The following DGLUCY variants were observed in gnomAD, a reference collection of about 807,000 sequenced individuals.
DGLUCY encodes the protein D-glutamate cyclase, also known as D-glutamate cyclase, mitochondrial.
In DGLUCY, 58 loss-of-function variants were observed where a neutral mutation model predicts 58.5. That is an observed-to-expected ratio of 0.99 (90% CI 0.80 to 1.23). DGLUCY has a LOEUF of 1.23. Among genes scored for constraint, DGLUCY ranks in the 50% most tolerant of loss-of-function variants. The pLI, the probability that DGLUCY is intolerant of heterozygous loss-of-function variation, is 0.00. For synonymous variants in DGLUCY, 325 were observed against 314.1 expected, an observed-to-expected ratio of 1.03 and a Z score of -0.37; for missense variants, 779 against 784.7, an observed-to-expected ratio of 0.99 and a Z score of 0.09.
intron 12 of DGLUCY, among the ~76,000 whole-genome samples, chr14:91,213,922 A>G (rs569382236): frequency 6.6e-6 from 1 of 151,850 alleles, no homozygotes; most frequent in Non-Finnish European, 1.5e-5. Flanking sequence ...CTGGTCTCGA[A>G]CTCCTAACCT....
chr14:91,225,061 ACT>A lies in DGLUCY; in HGVS notation c.*231_*232del. 1 of 414,958 alleles carries A rather than the reference ACT, an allele frequency of 2.4e-6. No individual in the cohort carries two copies. The highest frequency in any genetic ancestry group is 4.4e-5 in the Admixed American group (1 of 22,812). 25.7% of individuals were successfully genotyped at this position (414,958 alleles called of 1,614,324 possible). On this transcript the variant is annotated 3_prime_UTR_variant, in exon 14 of 14. Transcript: ENST00000256324. ...GGGCTTTTTAACTTTTATTCCTAAG[ACT>A]CTAAAGGCGTTGATTTCAACCCTCC... is the stretch of plus-strand genomic sequence containing the variant.
chr14:91,173,515 C>T, intron 6 of DGLUCY, 76 bp downstream of exon 6: 1 of 1,468,438 alleles, frequency 6.8e-7, no homozygotes, highest in South Asian at 1.4e-5. Flanking sequence ...CGCTCCTGCC[C>T]ATGATCCCCC....
At chr14:91,157,918 T>C (rs1237785861) in intron 2 of DGLUCY, among the ~76,000 whole-genome samples, 2 of 152,238 alleles carry the variant, frequency 1.3e-5, no homozygotes, top group African/African-American at 4.8e-5. Flanking sequence ...GGCTAAAATG[T>C]ATTTGCAAAA....
chr14:91,117,660 CAT>C (rs143746732), intron 1 of DGLUCY, among the ~76,000 whole-genome samples: 40,858 of 93,958 alleles, frequency 0.43, 6,732 homozygotes, highest in South Asian at 0.51. Flanking sequence ...CACACACACA[CAT>C]ACACACACAC....
At chr14:91,136,923 T>C (rs936215160) in intron 1 of DGLUCY, among the ~76,000 whole-genome samples, 4 of 151,918 alleles carry the variant, frequency 2.6e-5, no homozygotes, top group African/African-American at 9.7e-5. Context: ...GAGCCGATAT[T>C]GTGCCATTAC....
At chr14:91,083,933 A>G (rs535316134) in intron 1 of DGLUCY, among the ~76,000 whole-genome samples, 3 of 152,226 alleles carry the variant, frequency 2.0e-5, no homozygotes, top group South Asian at 2.1e-4. Flanking sequence ...GCTTCATAGC[A>G]TAGACCACTA....
At chr14:91,204,885 G>A (rs1224306640) in intron 12 of DGLUCY, 60 bp downstream of exon 12, 1 of 1,607,878 alleles carries the variant, frequency 6.2e-7, no homozygotes, top group Non-Finnish European at 8.5e-7. Context: ...ACCTGGCTTG[G>A]AGCCTGACCA....
At chr14:91,192,889 C>T (rs911341039) in intron 9 of DGLUCY, among the ~76,000 whole-genome samples, 8 of 152,160 alleles carry the variant, frequency 5.3e-5, no homozygotes, top group Non-Finnish European at 1.0e-4. Context: ...AGGTTTGACC[C>T]TGTTAGGTAT....
intron 1 of DGLUCY, among the ~76,000 whole-genome samples, chr14:91,068,446 A>G (rs2043863977): frequency 6.6e-6 from 1 of 152,200 alleles, no homozygotes; most frequent in Non-Finnish European, 1.5e-5. Context: ...AGGAGGGTGG[A>G]TCACCTGAGG....
chr14:91,204,656 C>G (rs1157896208), intron 11 of DGLUCY, 50 bp from the exon 12 acceptor site: 1 of 1,596,732 alleles, frequency 6.3e-7, no homozygotes, highest in East Asian at 2.3e-5. Flanking sequence ...TTCAGGCCTC[C>G]CCCATTTTGC....
upstream of DGLUCY, among the ~76,000 whole-genome samples, chr14:91,112,747 C>T (rs1012787508): frequency 1.3e-5 from 2 of 151,726 alleles, no homozygotes; most frequent in Admixed American, 6.6e-5. Context: ...AGGCTGGGAG[C>T]GGTGGCTGAC....
intron 13 of DGLUCY, among the ~76,000 whole-genome samples, chr14:91,217,990 G>A (rs1886846336): frequency 1.3e-5 from 2 of 152,178 alleles, no homozygotes; most frequent in Admixed American, 1.3e-4. Flanking sequence ...TGGCTTGCCT[G>A]AGACCACCCA....
At chr14:91,157,181 G>A (rs1231904795) in intron 1 of DGLUCY, among the ~76,000 whole-genome samples, 3 of 139,366 alleles carry the variant, frequency 2.2e-5, no homozygotes, top group East Asian at 3.9e-4. Context: ...ATAGATGGAT[G>A]GATGGGTGGA....
chr14:91,176,646 C>T (rs2048871321), intron 7 of DGLUCY, among the ~76,000 whole-genome samples: 3 of 152,254 alleles, frequency 2.0e-5, no homozygotes, highest in African/African-American at 7.2e-5. Context: ...GTCGCCCAGG[C>T]TGGAGTGCAG....
intron 1 of DGLUCY, among the ~76,000 whole-genome samples, chr14:91,073,045 T>C (rs964539045): frequency 6.6e-6 from 1 of 151,742 alleles, no homozygotes; most frequent in East Asian, 1.9e-4. Flanking sequence ...TCTTGAGTAG[T>C]GTGGAATAGA....
At chr14:91,124,788 G>C (rs1210515795) in intron 1 of DGLUCY, among the ~76,000 whole-genome samples, 1 of 152,148 alleles carries the variant, frequency 6.6e-6, no homozygotes, top group African/African-American at 2.4e-5. Context: ...ACTTCTCTTA[G>C]AAGCAAAATT....
At chr14:91,068,065 ACACACACGCGCACG>A (rs2043852421) in intron 1 of DGLUCY, among the ~76,000 whole-genome samples, 2 of 128,608 alleles carry the variant, frequency 1.6e-5, no homozygotes, top group Middle Eastern at 3.8e-3. Context: ...GCGTGCACAC[ACACACACGCGCACG>A]CACACACACA....
At chr14:91,090,138 C>T (rs1284555079) in intron 1 of DGLUCY, among the ~76,000 whole-genome samples, 2 of 152,198 alleles carry the variant, frequency 1.3e-5, no homozygotes, top group Non-Finnish European at 2.9e-5. Context: ...CCCCTCTCCT[C>T]ACTGGCTGAG....
intron 8 of DGLUCY, among the ~76,000 whole-genome samples, chr14:91,188,050 C>G (rs911230687): frequency 6.6e-6 from 1 of 152,058 alleles, no homozygotes. Context: ...CTAGAAGCCC[C>G]GGGATGCTTT....
Sources: allele counts gnomAD v4.1 joint callset (sites outside exome capture counted in the v4.1 genomes callset), GRCh38; gene constraint gnomAD v4.1.1; transcripts MANE v1.5; gene names NCBI Gene and HGNC (gene_info 2026-07-23, HGNC 2026-07-21).